Variants in GRM5 observed in about 807,000 individuals in gnomAD.
GRM5 encodes the protein glutamate metabotropic receptor 5.
Under a neutral mutation model 83.1 loss-of-function variants are expected in GRM5, and 19 were observed. That is an observed-to-expected ratio of 0.23 (90% CI 0.16 to 0.34). GRM5 has a LOEUF of 0.34. Ranked by LOEUF, GRM5 falls within the 10% of genes least tolerant of loss-of-function variation. The pLI is 1.00. For synonymous variants in GRM5, 675 were observed against 633.6 expected (o/e 1.07, Z -0.98); for missense variants, 1,160 against 1,588.3 (o/e 0.73, Z 4.58).
chr11:88,983,221 T>C (rs1268216723), intron 2 of GRM5, among the ~76,000 whole-genome samples: 2 of 152,218 alleles, frequency 1.3e-5, no homozygotes, highest in East Asian at 1.9e-4. Flanking sequence ...TGTTGGATTA[T>C]ATCATTACAA....
intron 1 of GRM5, among the ~76,000 whole-genome samples, chr11:89,059,172 C>A (rs1347322793): frequency 6.6e-6 from 1 of 152,072 alleles, no homozygotes; most frequent in African/African-American, 2.4e-5. Context: ...TTATTGTGAA[C>A]AACTAATCAT....
intron 1 of GRM5, among the ~76,000 whole-genome samples, chr11:89,059,326 T>C (rs1941941481): frequency 6.6e-6 from 1 of 152,226 alleles, no homozygotes; most frequent in African/African-American, 2.4e-5. Flanking sequence ...AGCAATTACG[T>C]ATTATTTTGA....
At chr11:88,579,523 A>G (rs1943183646) in intron 7 of GRM5, among the ~76,000 whole-genome samples, 2 of 152,306 alleles carry the variant, frequency 1.3e-5, no homozygotes, top group South Asian at 4.1e-4. Flanking sequence ...CTCAGGGTAG[A>G]CATTTGAGCA....
At chr11:88,883,368 G>A (rs762923756) in intron 2 of GRM5, among the ~76,000 whole-genome samples, 6 of 152,132 alleles carry the variant, frequency 3.9e-5, no homozygotes, top group Non-Finnish European at 7.4e-5. Context: ...GAACTTGTTG[G>A]GAACTAGGTC....
chr11:88,876,210 C>T (rs1444403303), intron 2 of GRM5, among the ~76,000 whole-genome samples: 1 of 152,084 alleles, frequency 6.6e-6, no homozygotes, highest in Non-Finnish European at 1.5e-5. Flanking sequence ...ATAGTATTTG[C>T]TACTTTACCT....
chr11:88,882,368 G>A (rs1271291589), intron 2 of GRM5, among the ~76,000 whole-genome samples: 8 of 148,648 alleles, frequency 5.4e-5, no homozygotes, highest in African/African-American at 7.5e-5. Flanking sequence ...TGGCTAACAC[G>A]GTGAAACCCC....
In GRM5 at chr11:88,703,306, T is replaced by G. The variant is rs1415688026; in HGVS notation, c.912-49903A>C. The stretch of plus-strand genomic sequence containing the variant: ...TTTCAATCACAATAGTTCCTATTTA[T>G]TTTACTATACTCTAAAGAATAATAA... On this transcript the variant is annotated intron_variant, in intron 3 of 9. Transcript: ENST00000305447. 3.3e-5 allele frequency among the ~76,000 whole-genome samples: 5 copies of G among 152,214 alleles called. No homozygotes were observed. In the East Asian group the frequency reaches 9.7e-4, roughly 29 times the overall value.
chr11:88,818,488 G>GAACC (rs1184719725), intron 3 of GRM5, among the ~76,000 whole-genome samples: 1 of 152,072 alleles, frequency 6.6e-6, no homozygotes, highest in Non-Finnish European at 1.5e-5. Context: ...TTCAAGATGT[G>GAACC]AATAAGTCAT....
intron 1 of GRM5, among the ~76,000 whole-genome samples, chr11:89,064,915 T>A (rs61903384): frequency 0.31 from 16,126 of 52,374 alleles, 2,524 homozygotes; most frequent in Non-Finnish European, 0.39. Context: ...TGTGTGTGTG[T>A]GAGAGAGAGA....
chr11:89,016,560 T>C (rs1178252117), intron 2 of GRM5, among the ~76,000 whole-genome samples: 1 of 152,176 alleles, frequency 6.6e-6, no homozygotes, highest in African/African-American at 2.4e-5. Context: ...TGTTGTTATT[T>C]AAGTGTCCCT....
At chr11:88,904,755 G>T (rs1405107505) in intron 2 of GRM5, among the ~76,000 whole-genome samples, 1 of 151,938 alleles carries the variant, frequency 6.6e-6, no homozygotes, top group African/African-American at 2.4e-5. Context: ...TGTATATATT[G>T]TGTATATAGT....
chr11:89,043,808 C>T (rs1044287703), intron 2 of GRM5, among the ~76,000 whole-genome samples: 1 of 152,130 alleles, frequency 6.6e-6, no homozygotes, highest in African/African-American at 2.4e-5. Flanking sequence ...GCATTGCACG[C>T]TCTCACATGT....
intron 2 of GRM5, among the ~76,000 whole-genome samples, chr11:88,925,026 C>T (rs2135635637): frequency 6.6e-6 from 1 of 151,882 alleles, no homozygotes; most frequent in East Asian, 1.9e-4. Context: ...AGGAAAAAAC[C>T]TGAAGAGTTA....
intron 3 of GRM5, among the ~76,000 whole-genome samples, chr11:88,792,895 A>T (rs905802978): frequency 6.6e-6 from 1 of 152,166 alleles, no homozygotes; most frequent in Non-Finnish European, 1.5e-5. Context: ...TTAAACATGT[A>T]AGATGGGCCT....
At chr11:88,767,995 A>G (rs975033764) in intron 3 of GRM5, among the ~76,000 whole-genome samples, 1 of 151,982 alleles carries the variant, frequency 6.6e-6, no homozygotes, top group South Asian at 2.1e-4. Flanking sequence ...TGTTTATAGA[A>G]GTATAAAACA....
At chr11:88,833,498 T>G (rs770794644) in intron 3 of GRM5, among the ~76,000 whole-genome samples, 17 of 151,784 alleles carry the variant, frequency 1.1e-4, no homozygotes, top group Non-Finnish European at 2.4e-4. Context: ...CTGGCCAGAA[T>G]GCAAAGAAAA....
intron 4 of GRM5, among the ~76,000 whole-genome samples, chr11:88,652,924 A>G (rs943515304): frequency 1.3e-5 from 2 of 152,100 alleles, no homozygotes; most frequent in African/African-American, 2.4e-5. Flanking sequence ...ATGGAAATAC[A>G]TTCAATTTTT....
At chr11:88,988,124 A>C (rs1428965052) in intron 2 of GRM5, among the ~76,000 whole-genome samples, 1 of 149,408 alleles carries the variant, frequency 6.7e-6, no homozygotes, top group Non-Finnish European at 1.5e-5. Flanking sequence ...AAAATTTAGA[A>C]GAATGTATAA....
At chr11:88,631,202 T>C (rs1210695511) in intron 4 of GRM5, among the ~76,000 whole-genome samples, 1 of 152,210 alleles carries the variant, frequency 6.6e-6, no homozygotes, top group Non-Finnish European at 1.5e-5. Context: ...CTTTTTATAA[T>C]ATCTTAGAGA....
Sources: allele counts gnomAD v4.1 joint callset (sites outside exome capture counted in the v4.1 genomes callset), GRCh38; gene constraint gnomAD v4.1.1; transcripts MANE v1.5; gene names NCBI Gene and HGNC (gene_info 2026-07-23, HGNC 2026-07-21).